The following EBAG9 variants were observed in gnomAD, a reference collection of about 807,000 sequenced individuals.
EBAG9 encodes estrogen receptor binding site associated antigen 9, also known as receptor-binding cancer antigen expressed on SiSo cells.
Under a neutral mutation model 30.9 loss-of-function variants are expected in EBAG9, and 16 were observed. The observed-to-expected ratio is 0.52, with a 90% CI of 0.35 to 0.79. The LOEUF is 0.79. Ranked by LOEUF, EBAG9 falls within the 30% of genes least tolerant of loss-of-function variation. The pLI, the probability that EBAG9 is intolerant of heterozygous loss-of-function variation, is 0.01. For synonymous variants in EBAG9, 93 were observed against 82.8 expected (o/e 1.12, Z -0.67); for missense variants, 197 against 242.1 (o/e 0.81, Z 1.24).
At chr8:109,543,792 A>C (rs1821327859) in intron 1 of EBAG9, among the ~76,000 whole-genome samples, 1 of 152,184 alleles carries the variant, frequency 6.6e-6, no homozygotes, top group Admixed American at 6.5e-5. Context: ...GCACTTTGGG[A>C]GGCTGAGGCA....
intron 2 of EBAG9, 61 bp from the exon 3 acceptor site, chr8:109,553,804 A>T: frequency 7.6e-7 from 1 of 1,319,910 alleles, no homozygotes; most frequent in Non-Finnish European, 1.1e-6. Flanking sequence ...CATACATAAT[A>T]GTGCTTTTAC....
At chr8:109,557,782 A>G (rs1208794106) in intron 5 of EBAG9, 2 of 439,254 alleles carry the variant, frequency 4.6e-6, no homozygotes, top group South Asian at 1.6e-5. Context: ...TTGTGGTCGA[A>G]GGATTCATTT....
intron 6 of EBAG9, among the ~76,000 whole-genome samples, 198 bp from the exon 7 acceptor site, chr8:109,564,241 T>C (rs1821769898): frequency 6.6e-6 from 1 of 152,120 alleles, no homozygotes; most frequent in Admixed American, 6.6e-5. Flanking sequence ...ATTTCTTCTA[T>C]TTCACAAGTC....
chr8:109,557,727 G>T (rs1821629689), intron 5 of EBAG9: 1 of 455,536 alleles, frequency 2.2e-6, no homozygotes, highest in Non-Finnish European at 4.4e-6. Flanking sequence ...TCATGAGTTT[G>T]CAGACAAGTC....
At chr8:109,554,005 A>G (rs1399682423) in intron 3 of EBAG9, 62 bp downstream of exon 3, 8 of 1,240,254 alleles carry the variant, frequency 6.5e-6, no homozygotes, top group Non-Finnish European at 7.8e-6. Flanking sequence ...TAAGTGTCCT[A>G]GAACAATATT....
Position 109,556,984 on chromosome 8 carries a change from G to C in EBAG9, c.371G>C (p.Ser124Thr), listed in dbSNP as rs777162647. Residue 124 changes from serine to threonine, a missense_variant, in exon 5 of 7, where the codon AGC becomes ACC. By Grantham distance (58) the Ser-to-Thr change is moderately conservative (BLOSUM62 1). Transcript: ENST00000337573. ...TTGAATTTTGGCATCCCAGATGGGA[G>C]CACAGGTTTCTCTAGTAGATTAGCA... ...EPLNFGIPDG[S>T]TGFSSRLAAT... 1 of 1,607,734 alleles carries C rather than the reference G, an allele frequency of 6.2e-7. No individual in the cohort carries two copies.
Position 109,553,853 on chromosome 8 carries a change from T to C in EBAG9, c.84-12T>C. On this transcript the variant is annotated splice_polypyrimidine_tract_variant and intron_variant, in intron 2 of 6. Transcript: ENST00000337573. ...GTGGTTCTTGAAATAAATTATTTCA[T>C]TTTTGTTTCAGATCTGGCAGAGGAC... 1 of 1,597,894 alleles carries C rather than the reference T, an allele frequency of 6.3e-7. No homozygotes were observed. Among genetic ancestry groups the C allele is most frequent in the Non-Finnish European group, 8.5e-7 (1 of 1,173,984 alleles).
chr8:109,548,439 T>G (rs1383943899), intron 1 of EBAG9, among the ~76,000 whole-genome samples: 2 of 152,168 alleles, frequency 1.3e-5, no homozygotes, highest in Non-Finnish European at 2.9e-5. Flanking sequence ...TACCTTGTTC[T>G]TTTTCAATGT....
chr8:109,560,412 A>G (rs1036101591), intron 5 of EBAG9, among the ~76,000 whole-genome samples: 2 of 152,252 alleles, frequency 1.3e-5, no homozygotes, highest in African/African-American at 2.4e-5. Flanking sequence ...TTCAGCTCGC[A>G]GTTCTTCTCA....
intron 1 of EBAG9, among the ~76,000 whole-genome samples, chr8:109,547,346 TTGCTA>T (rs1408807384): frequency 1.3e-5 from 2 of 152,186 alleles, no homozygotes; most frequent in East Asian, 3.8e-4. Flanking sequence ...TCACCAGTAC[TTGCTA>T]TGGTCATTAT....
chr8:109,550,300 T>A (rs965713881), intron 1 of EBAG9: 1 of 153,314 alleles, frequency 6.5e-6, no homozygotes, highest in Non-Finnish European at 1.4e-5. Flanking sequence ...TGTGAACCAC[T>A]GGACTAAATG....
At chr8:109,546,465 C>A (rs1252181329) in intron 1 of EBAG9, among the ~76,000 whole-genome samples, 2 of 152,194 alleles carry the variant, frequency 1.3e-5, no homozygotes, top group Non-Finnish European at 1.5e-5. Context: ...TTCTCCCTGC[C>A]TCATTACAAG....
intron 1 of EBAG9, chr8:109,550,548 G>A (rs1055866922): frequency 7.2e-6 from 2 of 275,962 alleles, no homozygotes; most frequent in African/African-American, 2.3e-5. Flanking sequence ...GTAGATTTTT[G>A]TATTAATAGA....
intron 1 of EBAG9, among the ~76,000 whole-genome samples, chr8:109,545,040 A>G (rs1393666832): frequency 6.6e-6 from 1 of 152,138 alleles, no homozygotes; most frequent in African/African-American, 2.4e-5. Context: ...AAAAGGATAC[A>G]GACCGGGCGT....
At chr8:109,550,948 C>A in intron 2 of EBAG9, 41 bp downstream of exon 2, 1 of 1,387,840 alleles carries the variant, frequency 7.2e-7, no homozygotes, top group South Asian at 1.2e-5. Context: ...TTTATCTCCT[C>A]GCTGGTTTTG....
chr8:109,556,478 T>G (rs1016592035), intron 4 of EBAG9, among the ~76,000 whole-genome samples: 6 of 152,110 alleles, frequency 3.9e-5, no homozygotes, highest in Non-Finnish European at 7.4e-5. Context: ...CTATAGTGCC[T>G]TATTAAATTA....
At chr8:109,557,695 G>T in intron 5 of EBAG9, 1 of 455,832 alleles carries the variant, frequency 2.2e-6, no homozygotes, top group South Asian at 1.5e-5. Context: ...GACTAAACTG[G>T]GTGGTTCTAA....
intron 6 of EBAG9, among the ~76,000 whole-genome samples, chr8:109,563,157 GTTTC>G (rs1237416866): frequency 6.6e-6 from 1 of 152,014 alleles, no homozygotes; most frequent in Non-Finnish European, 1.5e-5. Flanking sequence ...GCCAAAAATA[GTTTC>G]TTTACTTTCT....
chr8:109,549,263 TGTA>T (rs1432877463), intron 1 of EBAG9, among the ~76,000 whole-genome samples: 1 of 152,024 alleles, frequency 6.6e-6, no homozygotes, highest in East Asian at 1.9e-4. Flanking sequence ...TTTTTCACAA[TGTA>T]GTATCCATTT....
Sources: allele counts gnomAD v4.1 joint callset (sites outside exome capture counted in the v4.1 genomes callset), GRCh38; gene constraint gnomAD v4.1.1; transcripts MANE v1.5; gene names NCBI Gene and HGNC (gene_info 2026-07-23, HGNC 2026-07-21).